Variants in SLC14A2 observed in about 807,000 individuals in gnomAD.
The protein encoded by SLC14A2 is solute carrier family 14 member 2, also known as urea transporter 2.
Under a neutral mutation model 104.6 loss-of-function variants are expected in SLC14A2, and 91 were observed. That is an observed-to-expected ratio of 0.87 (90% CI 0.73 to 1.04). The LOEUF (loss-of-function observed/expected upper bound fraction) is 1.04. Ranked by LOEUF, SLC14A2 falls within the 50% of genes least tolerant of loss-of-function variation. SLC14A2 has a pLI of 0.00. For missense variants in SLC14A2, 1,189 were observed against 1,156.0 expected, an observed-to-expected ratio of 1.03 and a Z score of -0.41; for synonymous variants, 476 against 466.4, an observed-to-expected ratio of 1.02 and a Z score of -0.27.
chr18:45,637,641 C>T (rs1599098402), intron 6 of SLC14A2, among the ~76,000 whole-genome samples: 1 of 152,158 alleles, frequency 6.6e-6, no homozygotes, highest in East Asian at 1.9e-4. Context: ...TACTCTCTCT[C>T]TTAGTGGTTC....
At chr18:45,617,361 A>T (rs1400708978) in intron 1 of SLC14A2, among the ~76,000 whole-genome samples, 12 of 152,086 alleles carry the variant, frequency 7.9e-5, no homozygotes, top group Admixed American at 7.9e-4. Context: ...CCCACTGGCC[A>T]CCAGCCATCT....
At chr18:45,522,625 T>C (rs1379597249) in intron 2 of SLC14A2, among the ~76,000 whole-genome samples, 1 of 152,204 alleles carries the variant, frequency 6.6e-6, no homozygotes, top group Non-Finnish European at 1.5e-5. Context: ...GATGATGGTT[T>C]TGGTAATAGC....
the SLC14A2 span, among the ~76,000 whole-genome samples, chr18:45,168,231 G>T: frequency 3.3e-5 from 5 of 152,170 alleles, no homozygotes; most frequent in Non-Finnish European, 7.3e-5. Flanking sequence ...TGGCAAAAAG[G>T]TGAGTTGCTT....
rs976684735 is a variant in SLC14A2, at chr18:45,639,919, G to A, written c.991+26G>A. 19 of 1,605,566 alleles carry A rather than the reference G, an allele frequency of 1.2e-5. No homozygotes were observed. The East Asian group carries it at 2.5e-4, about 21-fold the overall frequency. On this transcript the variant is annotated intron_variant, in intron 7 of 19. Transcript: ENST00000255226. ...GTAGGACAGAGCTCCCTCTCTTCAG[G>A]TCCTCAGGATAATTCACTCAAGGTC...
At position 45,312,963 on chromosome 18, in the gene SLC14A2, G is replaced by A. The variant is rs141339261; in HGVS notation, c.-125+99772G>A. Among the ~76,000 whole-genome samples the A allele has an allele frequency of 7.5e-3, 1,146 of 152,302 alleles. 12 individuals carry two copies. Among genetic ancestry groups the A allele is most frequent in the Middle Eastern group, 0.041 (12 of 294 alleles). The stretch of plus-strand genomic sequence containing the variant: ...GCCGGTTGGCCTCGTCAGTGATGCT[G>A]ATGGAGGACATACATGGTGCACACC... On this transcript the variant is annotated intron_variant, in intron 1 of 20. Coordinates refer to the SLC14A2 transcript ENST00000586448.
intron 1 of SLC14A2, among the ~76,000 whole-genome samples, chr18:45,226,719 G>A (rs930122426): frequency 2.2e-4 from 34 of 151,850 alleles, no homozygotes; most frequent in African/African-American, 8.0e-4. Context: ...TAATGTAAAT[G>A]ACGAGTTAAT....
At chr18:45,413,073 A>G (rs1405989527) in intron 1 of SLC14A2, among the ~76,000 whole-genome samples, 1 of 152,190 alleles carries the variant, frequency 6.6e-6, no homozygotes, top group Non-Finnish European at 1.5e-5. Flanking sequence ...GTCAATCATT[A>G]GGGAGAAGAT....
chr18:45,352,471 C>T (rs2085512790), intron 1 of SLC14A2, among the ~76,000 whole-genome samples: 1 of 152,082 alleles, frequency 6.6e-6, no homozygotes, highest in Admixed American at 6.5e-5. Context: ...TTTATTTTCT[C>T]TTCTGTCTTC....
chr18:45,297,585 G>A (rs564091023), intron 1 of SLC14A2, among the ~76,000 whole-genome samples: 1 of 152,232 alleles, frequency 6.6e-6, no homozygotes, highest in African/African-American at 2.4e-5. Flanking sequence ...ATCTTCCTGG[G>A]TCTCAATTGC....
chr18:45,674,754 C>T (rs973927846), intron 18 of SLC14A2, among the ~76,000 whole-genome samples: 2 of 152,184 alleles, frequency 1.3e-5, no homozygotes, highest in South Asian at 2.1e-4. Flanking sequence ...ATTTTGCAAA[C>T]GAGGAAAAGT....
At chr18:45,254,211 T>C (rs112915633) in intron 1 of SLC14A2, among the ~76,000 whole-genome samples, 6 of 152,308 alleles carry the variant, frequency 3.9e-5, no homozygotes, top group African/African-American at 1.4e-4. Flanking sequence ...AAAGAACCAA[T>C]AGAGCTCCAG....
intron 1 of SLC14A2, among the ~76,000 whole-genome samples, chr18:45,223,773 A>G (rs1226504448): frequency 1.3e-5 from 2 of 152,208 alleles, no homozygotes; most frequent in African/African-American, 2.4e-5. Flanking sequence ...TGCCTGGGCC[A>G]GAGCCCTGAG....
At chr18:45,496,563 C>T (rs1013893608) in intron 2 of SLC14A2, among the ~76,000 whole-genome samples, 3 of 152,126 alleles carry the variant, frequency 2.0e-5, no homozygotes, top group Non-Finnish European at 2.9e-5. Flanking sequence ...GTCAGGAGTT[C>T]GAGGCCAGCC....
chr18:45,669,238 C>T (rs1202852119), intron 15 of SLC14A2, 68 bp from the exon 16 acceptor site: 1 of 1,338,222 alleles, frequency 7.5e-7, no homozygotes, highest in Non-Finnish European at 1.0e-6. Context: ...GGAGCCCCCA[C>T]TGCAGCACAG....
chr18:45,255,723 C>T (rs1436695893), intron 1 of SLC14A2, among the ~76,000 whole-genome samples: 1 of 152,104 alleles, frequency 6.6e-6, no homozygotes, highest in African/African-American at 2.4e-5. Flanking sequence ...GATTTCATTC[C>T]TCTGGGATTA....
In SLC14A2 at chr18:45,672,996, C is replaced by T; in HGVS notation, c.2326C>T (p.Pro776Ser). ...IFLIALFISS[P>S]LICLHAAIGS... ...CCTCATAGCTCTGTTCATATCCTCA[C>T]CTCTCATTTGCTTGCATGCAGCAAT... is the stretch of plus-strand genomic sequence containing the variant. Residue 776 changes from proline (P) to serine (S), a missense_variant, in exon 17 of 20, where the codon CCT becomes TCT. Pro to Ser is a moderately conservative substitution (Grantham distance 74). Transcript: ENST00000255226. 1.2e-6 allele frequency: 2 copies of T among 1,614,148 alleles called. No individual in the cohort carries two copies. Among genetic ancestry groups the T allele is most frequent in the South Asian group, 1.1e-5 (1 of 91,070 alleles).
At chr18:45,366,497 A>T (rs2085667175) in intron 1 of SLC14A2, among the ~76,000 whole-genome samples, 1 of 152,174 alleles carries the variant, frequency 6.6e-6, no homozygotes, top group African/African-American at 2.4e-5. Flanking sequence ...TGGAAGATGG[A>T]TCCCCAGCAT....
chr18:45,615,387 G>A (rs556648973), upstream of SLC14A2: 1 of 152,154 alleles, frequency 6.6e-6, no homozygotes, highest in Non-Finnish European at 1.5e-5. Flanking sequence ...TGGATCATGG[G>A]AGCGGTTTCC....
intron 10 of SLC14A2, chr18:45,647,011 G>A (rs1954195655): frequency 6.6e-6 from 1 of 152,144 alleles, no homozygotes; most frequent in African/African-American, 2.4e-5. Context: ...CTTTAGAGGA[G>A]GCTGTGTCTC....
Sources: allele counts gnomAD v4.1 joint callset (sites outside exome capture counted in the v4.1 genomes callset), GRCh38; gene constraint gnomAD v4.1.1; transcripts MANE v1.5; gene names NCBI Gene and HGNC (gene_info 2026-07-23, HGNC 2026-07-21).